The following SNX25 variants were observed in gnomAD, a reference collection of about 807,000 sequenced individuals.
The protein encoded by SNX25 is sorting nexin 25.
Under a neutral mutation model 113.7 loss-of-function variants are expected in SNX25, and 62 were observed. The ratio of observed to expected loss-of-function variants is 0.55; its 90% confidence interval spans 0.44 to 0.67. The LOEUF is 0.67. SNX25 is among the 30% of genes least tolerant of loss of function. The probability of loss-of-function intolerance (pLI) is 0.00; values close to 1 mark genes in which losing one functional copy is unlikely to be tolerated. For missense variants in SNX25, 1,014 were observed against 1,161.0 expected (o/e 0.87, Z 1.84); for synonymous variants, 421 against 436.2 (o/e 0.97, Z 0.43).
chr4:185,367,628 C>CAGCT (rs1194947113), downstream of SNX25, among the ~76,000 whole-genome samples: 3 of 152,086 alleles, frequency 2.0e-5, no homozygotes, highest in African/African-American at 7.2e-5. Context: ...TTAAAATATA[C>CAGCT]AGCTAAAATA....
chr4:185,271,472 C>A (rs1337584093), intron 5 of SNX25, among the ~76,000 whole-genome samples: 1 of 152,214 alleles, frequency 6.6e-6, no homozygotes, highest in African/African-American at 2.4e-5. Context: ...TGGTCTTGAA[C>A]TCCTGGCCTC....
At chr4:185,279,553 T>C (rs562719389) in intron 5 of SNX25, among the ~76,000 whole-genome samples, 28 of 152,338 alleles carry the variant, frequency 1.8e-4, no homozygotes, top group African/African-American at 5.5e-4. Flanking sequence ...CTTAATGCCA[T>C]TGGACATACC....
chr4:185,276,446 C>T (rs1331447945), intron 5 of SNX25, among the ~76,000 whole-genome samples: 1 of 152,174 alleles, frequency 6.6e-6, no homozygotes, highest in Non-Finnish European at 1.5e-5. Flanking sequence ...ATCCCGAGGT[C>T]GGAACCGTTT....
At chr4:185,346,895 T>A (rs1483197862) in intron 13 of SNX25, among the ~76,000 whole-genome samples, 1 of 152,246 alleles carries the variant, frequency 6.6e-6, no homozygotes. Flanking sequence ...TCCAATGCAC[T>A]GGTTATCACC....
intron 6 of SNX25, among the ~76,000 whole-genome samples, chr4:185,299,163 G>A (rs1177545156): frequency 6.6e-6 from 1 of 152,222 alleles, no homozygotes; most frequent in Non-Finnish European, 1.5e-5. Context: ...TCATAAAGGC[G>A]AGAGGCTCTC....
rs747399143 is a variant in SNX25, at chr4:185,351,532, G to A, written c.2389G>A (p.Val797Met). 37 of 1,613,956 alleles carry A rather than the reference G, an allele frequency of 2.3e-5. No individual in the cohort carries two copies. The highest frequency in any genetic ancestry group is 1.6e-4 in the Middle Eastern group (1 of 6,084). ...TCCTGACTACCTCAAGGTTATCGAC[G>A]TGCAGGGGAAAAAAAATTCTTTTTC... The part of the protein sequence containing the change: ...PSPDYLKVID[V>M]QGKKNSFSLS... Residue 797 changes from valine to methionine, a missense_variant, in exon 14 of 19, where the codon GTG becomes ATG. Physicochemically the swap from Val to Met is conservative, Grantham distance 21. Coordinates refer to ENST00000652585, the MANE Select transcript of SNX25 (RefSeq NM_001378034.2).
intron 6 of SNX25, among the ~76,000 whole-genome samples, chr4:185,299,734 A>G (rs1212381562): frequency 2.6e-5 from 4 of 152,202 alleles, no homozygotes; most frequent in African/African-American, 9.7e-5. Flanking sequence ...TGGGACATAA[A>G]CCAGGTTTCC....
chr4:185,315,090 C>A (rs1474029394), intron 7 of SNX25, among the ~76,000 whole-genome samples: 1 of 148,430 alleles, frequency 6.7e-6, no homozygotes, highest in Admixed American at 6.7e-5. Flanking sequence ...TAGCCGGGCG[C>A]GGTGGTGGGC....
At chr4:185,291,624 C>T (rs1752181832) in intron 6 of SNX25, among the ~76,000 whole-genome samples, 1 of 152,218 alleles carries the variant, frequency 6.6e-6, no homozygotes, top group Non-Finnish European at 1.5e-5. Context: ...CTGGGGGAGC[C>T]TCTTCCATGT....
chr4:185,209,040 T>A (rs1737342436), upstream of SNX25, among the ~76,000 whole-genome samples: 1 of 151,888 alleles, frequency 6.6e-6, no homozygotes. This position sits in a 1 kb window ranked among gnomAD's most constrained non-coding sequence, Gnocchi z 5.2. Context: ...GGAGCCAAAG[T>A]GATTATGGGC....
intron 6 of SNX25, among the ~76,000 whole-genome samples, chr4:185,294,932 T>C (rs995193305): frequency 6.6e-6 from 1 of 152,204 alleles, no homozygotes; most frequent in Admixed American, 6.5e-5. Flanking sequence ...GTCGCTCTTG[T>C]ATTTCTGTGG....
intron 8 of SNX25, 123 bp downstream of exon 8, chr4:185,320,987 C>G: frequency 1.3e-6 from 1 of 786,640 alleles, no homozygotes; most frequent in South Asian, 3.7e-5. Flanking sequence ...AAATATAATA[C>G]TGACATTATG....
rs567470666 is a variant in SNX25 at position 185,332,587 on chromosome 4, C to G, written c.1750-8C>G. On this transcript the variant is annotated splice_region_variant and splice_polypyrimidine_tract_variant and intron_variant, in intron 9 of 18. Transcript: ENST00000652585. ...ATAAGATATGGTGGTATGTGACTCT[C>G]CCCCTAGGGCCCAAGAGATGAGGCT... 2 of 1,601,158 alleles carry G rather than the reference C, an allele frequency of 1.2e-6. No homozygotes were observed. Among genetic ancestry groups the G allele is most frequent in the Non-Finnish European group, 1.7e-6 (2 of 1,173,432 alleles).
intron 11 of SNX25, 85 bp downstream of exon 11, chr4:185,339,595 G>T: frequency 6.7e-7 from 1 of 1,497,802 alleles, no homozygotes; most frequent in East Asian, 2.4e-5. Flanking sequence ...TGAAGATTGA[G>T]GGTAGAAAAC....
intron 6 of SNX25, among the ~76,000 whole-genome samples, chr4:185,288,482 A>T (rs1424797678): frequency 1.3e-5 from 2 of 151,926 alleles, no homozygotes; most frequent in East Asian, 3.9e-4. Context: ...TTCATAATTA[A>T]TCTTTTCCTT....
intron 1 of SNX25, among the ~76,000 whole-genome samples, chr4:185,224,574 TATAA>T (rs1325756220): frequency 1.6e-5 from 1 of 60,762 alleles, no homozygotes; most frequent in Non-Finnish European, 5.7e-5. Flanking sequence ...TATAAGTGTA[TATAA>T]ATATATATAA....
At position 185,357,700 on chromosome 4, in the gene SNX25, G is replaced by T; in HGVS notation, c.2614G>T (p.Ala872Ser). 6.2e-7 allele frequency: 1 copy of T among 1,614,070 alleles called. No homozygotes were observed. The highest frequency in any genetic ancestry group is 1.1e-5 in the South Asian group (1 of 91,064). ...TAAATGGGTGAGAAGAACATTAATT[G>T]CCCTCGTTCAGGTCACTTTTGGAAG... is the stretch of plus-strand genomic sequence containing the variant. The part of the protein sequence containing the change: ...MFKWVRRTLI[A>S]LVQVTFGRTI... The change falls in exon 16 of 19, where the codon GCC (alanine) becomes TCC (serine). Residue 872 changes from alanine (A) to serine (S), a missense_variant. Physicochemically the swap from Ala to Ser is moderately conservative, Grantham distance 99. Coordinates refer to ENST00000652585, the MANE Select transcript of SNX25 (RefSeq NM_001378034.2).
intron 8 of SNX25, among the ~76,000 whole-genome samples, 181 bp from the exon 9 acceptor site, chr4:185,323,347 G>GTT (rs879430742): frequency 3.5e-5 from 5 of 144,902 alleles, no homozygotes; most frequent in African/African-American, 5.0e-5. Context: ...TAAAGAATTA[G>GTT]TTTTTTTTTT....
At chr4:185,274,722 T>A (rs1749416451) in intron 5 of SNX25, among the ~76,000 whole-genome samples, 1 of 152,230 alleles carries the variant, frequency 6.6e-6, no homozygotes, top group African/African-American at 2.4e-5. Flanking sequence ...GTGCTGAATA[T>A]CTATTATGTA....
Sources: allele counts gnomAD v4.1 joint callset (sites outside exome capture counted in the v4.1 genomes callset), GRCh38; gene constraint gnomAD v4.1.1; non-coding constraint Gnocchi (gnomAD v3.1); transcripts MANE v1.5; gene names NCBI Gene and HGNC (gene_info 2026-07-23, HGNC 2026-07-21).